BLK: variants seen among roughly 807,000 people sequenced by gnomAD.
BLK encodes BLK proto-oncogene, Src family tyrosine kinase, also known as tyrosine-protein kinase Blk.
A neutral mutation model predicts 61.8 loss-of-function variants in BLK; 64 were observed. That is an observed-to-expected ratio of 1.03 (90% CI 0.85 to 1.27). The LOEUF (loss-of-function observed/expected upper bound fraction) is 1.27. Among genes scored for constraint, BLK ranks in the 50% most tolerant of loss-of-function variants. BLK has a pLI of 0.00. For synonymous variants in BLK, 351 were observed against 272.0 expected (o/e 1.29, Z -2.86); for missense variants, 853 against 660.5 (o/e 1.29, Z -3.19).
chr8:11,502,374 G>A (rs1384818842), intron 1 of BLK, among the ~76,000 whole-genome samples: 1 of 151,656 alleles, frequency 6.6e-6, no homozygotes, highest in Non-Finnish European at 1.5e-5. Flanking sequence ...CACGATCTCT[G>A]GTCACTGCAA....
intron 8 of BLK, 149 bp downstream of exon 8, chr8:11,555,633 G>A (rs1585412038): frequency 7.7e-7 from 1 of 1,295,488 alleles, no homozygotes; most frequent in Non-Finnish European, 1.1e-6. Context: ...TCATTTTACA[G>A]AGGAGGAAGT....
Position 11,546,147 on chromosome 8 carries a change from C to T in BLK, c.175+44C>T, listed in dbSNP as rs1224357213. The stretch of plus-strand genomic sequence containing the variant: ...GAAGCTGAGGCTCCACAGCCCTCTC[C>T]CCTAGGTGGCAGCTTTGTGGAGTTG... On this transcript the variant is annotated intron_variant, in intron 3 of 12. Coordinates refer to ENST00000259089, the MANE Select transcript of BLK (RefSeq NM_001715.3). 5 of 1,605,642 alleles carry T rather than the reference C, an allele frequency of 3.1e-6. No individual in the cohort carries two copies. The Admixed American group carries it at 5.0e-5, about 16-fold the overall frequency.
chr8:11,548,004 G>A (rs371435863), intron 3 of BLK, 28 bp from the exon 4 acceptor site: 19 of 1,598,952 alleles, frequency 1.2e-5, no homozygotes, highest in Admixed American at 1.7e-5. Context: ...GGCCTGAGTG[G>A]TGGTCATCTC....
At chr8:11,521,311 G>A (rs1263607560) in intron 1 of BLK, among the ~76,000 whole-genome samples, 2 of 151,912 alleles carry the variant, frequency 1.3e-5, no homozygotes, top group Admixed American at 1.3e-4. Context: ...TTTTTCTTGA[G>A]ACAGAGCCTC....
intron 1 of BLK, among the ~76,000 whole-genome samples, chr8:11,511,935 G>A (rs953332321): frequency 2.0e-5 from 3 of 152,174 alleles, no homozygotes; most frequent in Non-Finnish European, 4.4e-5. Flanking sequence ...CTGTCGGGAG[G>A]TGGAAAAGTA....
At position 11,543,221 on chromosome 8, in the gene BLK, C is replaced by A; in HGVS notation, c.-1-3C>A. The A allele has an allele frequency of 6.2e-7, 1 of 1,613,788 alleles. No individual in the cohort carries two copies. The highest frequency in any genetic ancestry group is 8.5e-7 in the Non-Finnish European group (1 of 1,179,976). ...TCCTCTGTCTGCTGTGTGTCTCCGA[C>A]AGGATGGGGCTGGTAAGTAGCAAAA... On this transcript the variant is annotated splice_polypyrimidine_tract_variant and splice_region_variant and intron_variant, in intron 1 of 12. Transcript: ENST00000259089.
chr8:11,556,851 C>T lies in BLK; in HGVS notation c.952+14C>T. On this transcript the variant is annotated intron_variant, in intron 9 of 12. Transcript: ENST00000259089. ...ACATGGCCAGAGGTGGTGCCCCCCG[C>T]AGAGCCGCATCCTCAGAGCGAGGCG... The T allele has an allele frequency of 6.2e-7, 1 of 1,613,176 alleles. No homozygotes were observed. The highest frequency in any genetic ancestry group is 8.5e-7 in the Non-Finnish European group (1 of 1,179,514).
intron 1 of BLK, among the ~76,000 whole-genome samples, chr8:11,525,906 G>C (rs529012490): frequency 1.3e-5 from 2 of 151,954 alleles, no homozygotes; most frequent in Non-Finnish European, 2.9e-5. Context: ...CACCATGTCC[G>C]GCTGATTTTT....
intron 1 of BLK, among the ~76,000 whole-genome samples, chr8:11,531,811 C>G (rs1253834120): frequency 6.6e-6 from 1 of 152,172 alleles, no homozygotes; most frequent in African/African-American, 2.4e-5. Context: ...CTCTGACCTT[C>G]CTTCTGCAGC....
intron 4 of BLK, 99 bp from the exon 5 acceptor site, chr8:11,548,924 TG>T (rs1368808595): frequency 9.3e-7 from 1 of 1,075,720 alleles, no homozygotes; most frequent in Non-Finnish European, 1.4e-6. Context: ...GCGGATTCTC[TG>T]CCCTCCAGGG....
chr8:11,513,686 AG>A (rs1799111644), intron 1 of BLK, among the ~76,000 whole-genome samples: 1 of 152,222 alleles, frequency 6.6e-6, no homozygotes, highest in African/African-American at 2.4e-5. Context: ...TGATCCAGGG[AG>A]GCCTTTGAGG....
rs947704229 is a variant in BLK, at chr8:11,550,045, C to A, written c.369-114C>A. 8.2e-6 allele frequency: 8 copies of A among 976,688 alleles called. No individual in the cohort carries two copies. The East Asian group carries it at 9.8e-5, about 12-fold the overall frequency. 60.5% of individuals were successfully genotyped at this position (976,688 alleles called of 1,614,324 possible). ...GCAGCAGCTCAGGGCCGACTGGGACCAGAAATGCTAGATTTTTATTTCTTG... is the reference window on the plus strand; with the variant it reads ...GCAGCAGCTCAGGGCCGACTGGGACAAGAAATGCTAGATTTTTATTTCTTG... On this transcript the variant is annotated intron_variant, in intron 5 of 12. Transcript: ENST00000259089.
intron 1 of BLK, among the ~76,000 whole-genome samples, chr8:11,533,603 A>AG (rs766502364): frequency 0.46 from 53,318 of 114,786 alleles, 11,898 homozygotes; most frequent in Non-Finnish European, 0.55. Flanking sequence ...GAGGAGGAGG[A>AG]GAAGGAGGAG....
intron 1 of BLK, among the ~76,000 whole-genome samples, chr8:11,511,869 A>G (rs898773045): frequency 6.6e-6 from 1 of 152,228 alleles, no homozygotes; most frequent in African/African-American, 2.4e-5. Flanking sequence ...TATGAATGAC[A>G]TCTTTCCACC....
At chr8:11,504,566 G>A (rs1798697453) in intron 1 of BLK, among the ~76,000 whole-genome samples, 2 of 152,210 alleles carry the variant, frequency 1.3e-5, no homozygotes, top group Non-Finnish European at 1.5e-5. Context: ...TCACAGGGAC[G>A]TGCGTTTAAG....
At chr8:11,527,954 T>C (rs1255843460) in intron 1 of BLK, among the ~76,000 whole-genome samples, 1 of 152,128 alleles carries the variant, frequency 6.6e-6, no homozygotes, top group African/African-American at 2.4e-5. Flanking sequence ...CATAATCCTG[T>C]TCTTGTGGGC....
At chr8:11,512,335 A>G (rs1009405203) in intron 1 of BLK, among the ~76,000 whole-genome samples, 1 of 152,300 alleles carries the variant, frequency 6.6e-6, no homozygotes, top group South Asian at 2.1e-4. Flanking sequence ...ATGATCTCTT[A>G]ACAAGGTCTA....
chr8:11,563,880 G>T (rs766107250), intron 12 of BLK, 23 bp from the exon 13 acceptor site: 2 of 1,558,932 alleles, frequency 1.3e-6, no homozygotes, highest in East Asian at 2.3e-5. Context: ...CCTCACCCCC[G>T]CTTGCGGTCT....
chr8:11,511,579 C>A (rs530214679), intron 1 of BLK, among the ~76,000 whole-genome samples: 13 of 152,284 alleles, frequency 8.5e-5, no homozygotes, highest in Admixed American at 2.6e-4. Context: ...ATACCTGGAG[C>A]AAAGAACATG....
Sources: gnomAD v4.1 joint callset for allele counts (sites outside exome capture counted in the v4.1 genomes callset) on GRCh38, gnomAD v4.1.1 for gene constraint, MANE v1.5 for transcripts, NCBI Gene and HGNC (gene_info 2026-07-23, HGNC 2026-07-21) for gene names.